The following COL13A1 variants were observed in gnomAD, a reference collection of about 807,000 sequenced individuals.
COL13A1 encodes collagen type XIII alpha 1 chain, also known as collagen alpha-1(XIII) chain.
Under a neutral mutation model 130.9 loss-of-function variants are expected in COL13A1, and 89 were observed. The ratio of observed to expected loss-of-function variants is 0.68; its 90% CI spans 0.57 to 0.81. COL13A1 has a LOEUF of 0.81. Ranked by LOEUF, COL13A1 falls within the 30% of genes least tolerant of loss-of-function variation. The pLI, the probability that COL13A1 is intolerant of heterozygous loss-of-function variation, is 0.00. For synonymous variants in COL13A1, 402 were observed against 341.6 expected, an observed-to-expected ratio of 1.18 and a Z score of -1.95; for missense variants, 879 against 934.6, an observed-to-expected ratio of 0.94 and a Z score of 0.78.
intron 3 of COL13A1, among the ~76,000 whole-genome samples, chr10:69,868,360 G>A (rs2058736733): frequency 6.6e-6 from 1 of 152,098 alleles, no homozygotes; most frequent in Non-Finnish European, 1.5e-5. Flanking sequence ...CGGTTAGACT[G>A]GGAGACAGCA....
At chr10:69,885,509 G>C (rs537535040) in intron 7 of COL13A1, among the ~76,000 whole-genome samples, 1 of 152,174 alleles carries the variant, frequency 6.6e-6, no homozygotes, top group Non-Finnish European at 1.5e-5. Context: ...CACTTGGTCC[G>C]TGACAACATT....
At chr10:69,877,693 TCTCTCTCA>T (rs1429452303) in intron 5 of COL13A1, 2 of 118,486 alleles carry the variant, frequency 1.7e-5, no homozygotes, top group African/African-American at 8.6e-5. Context: ...TCTCTCTCTC[TCTCTCTCA>T]CACACACACA....
chr10:69,922,377 T>G (rs1014923067), intron 22 of COL13A1, among the ~76,000 whole-genome samples: 1 of 152,216 alleles, frequency 6.6e-6, no homozygotes, highest in African/African-American at 2.4e-5. Flanking sequence ...ATTTAATGTT[T>G]CATTTCTTAC....
chr10:69,816,331 G>A (rs1240702866), intron 1 of COL13A1, among the ~76,000 whole-genome samples: 1 of 150,946 alleles, frequency 6.6e-6, no homozygotes, highest in Non-Finnish European at 1.5e-5. Flanking sequence ...GGTGGGATGG[G>A]GAAGCTGATG....
At chr10:69,878,149 C>A (rs10823446) in intron 6 of COL13A1, 84 bp downstream of exon 6, 381,704 of 689,078 alleles carry the variant, frequency 0.55, 109,267 homozygotes, top group East Asian at 0.7. Context: ...AGCCCTCCCC[C>A]CCATGAAAGC....
chr10:69,946,344 C>G (rs533506388), intron 37 of COL13A1, among the ~76,000 whole-genome samples: 18 of 152,320 alleles, frequency 1.2e-4, no homozygotes, highest in Non-Finnish European at 2.5e-4. Flanking sequence ...TCAGAAGGGG[C>G]AGAATCAAAT....
intron 17 of COL13A1, among the ~76,000 whole-genome samples, chr10:69,906,468 C>T (rs1369200804): frequency 6.6e-6 from 1 of 152,150 alleles, no homozygotes; most frequent in African/African-American, 2.4e-5. Context: ...CCCTGTTCTC[C>T]ACATGGCCTC....
At chr10:69,921,642 C>T (rs1163022029) in intron 21 of COL13A1, among the ~76,000 whole-genome samples, 3 of 152,294 alleles carry the variant, frequency 2.0e-5, no homozygotes, top group South Asian at 4.1e-4. Context: ...GACAAGGGCC[C>T]GGGCCACATG....
chr10:69,941,120 G>A (rs2067577434), intron 35 of COL13A1, 97 bp downstream of exon 35: 1 of 1,588,326 alleles, frequency 6.3e-7, no homozygotes, highest in Non-Finnish European at 8.6e-7. Context: ...TTTTCCCAGT[G>A]AATCATGCCT....
At chr10:69,849,092 G>C (rs1853970052) in intron 2 of COL13A1, among the ~76,000 whole-genome samples, 1 of 152,226 alleles carries the variant, frequency 6.6e-6, no homozygotes. Context: ...CAAACCCAAA[G>C]AGAAGTGTTT....
At chr10:69,931,174 A>T (rs1437911537) in intron 30 of COL13A1, 1 of 456,106 alleles carries the variant, frequency 2.2e-6, no homozygotes, top group Non-Finnish European at 4.4e-6. Context: ...TAGATGGCCC[A>T]ACTGGGGAGA....
At chr10:69,953,665 T>C (rs995316046) in intron 39 of COL13A1, among the ~76,000 whole-genome samples, 2 of 152,236 alleles carry the variant, frequency 1.3e-5, no homozygotes, top group African/African-American at 4.8e-5. Context: ...TATGATGCAC[T>C]AAAGTTGAAG....
chr10:69,816,332 G>A (rs1043489393), intron 1 of COL13A1, among the ~76,000 whole-genome samples: 5 of 151,012 alleles, frequency 3.3e-5, no homozygotes, highest in African/African-American at 1.2e-4. Flanking sequence ...GTGGGATGGG[G>A]AAGCTGATGG....
At chr10:69,920,053 C>A (rs148260167) in intron 21 of COL13A1, among the ~76,000 whole-genome samples, 1 of 152,338 alleles carries the variant, frequency 6.6e-6, no homozygotes, top group African/African-American at 2.4e-5. Flanking sequence ...CTAAGCACAT[C>A]TGCAGGAGCA....
chr10:69,941,891 G>C (rs1249488192), intron 35 of COL13A1, among the ~76,000 whole-genome samples: 1 of 152,110 alleles, frequency 6.6e-6, no homozygotes, highest in Non-Finnish European at 1.5e-5. Flanking sequence ...ACACCATCAC[G>C]AGAGCTCTGT....
rs746960936 is a variant in COL13A1, at chr10:69,930,389, A to AT, written c.1531-7dup. On this transcript the variant is annotated splice_polypyrimidine_tract_variant and intron_variant, in intron 29 of 40. Coordinates refer to ENST00000645393, the MANE Select transcript of COL13A1 (RefSeq NM_001368882.1). ...AATGTGTCTAAGAAGCGTTTTTGGT[A>AT]TTTTCTAAAGGGACCTCGCGGTAAA... is the stretch of plus-strand genomic sequence containing the variant. The AT allele has an allele frequency of 6.3e-7, 1 of 1,593,658 alleles. No homozygotes were observed. Among genetic ancestry groups the AT allele is most frequent in the South Asian group, 1.1e-5 (1 of 88,202 alleles).
At chr10:69,957,900 A>G (rs1301241691) in intron 40 of COL13A1, among the ~76,000 whole-genome samples, 2 of 152,130 alleles carry the variant, frequency 1.3e-5, no homozygotes, top group Non-Finnish European at 2.9e-5. Flanking sequence ...AGACTCCAAC[A>G]TGTTCAAGAA....
chr10:69,955,106 C>G (rs1287942621), intron 39 of COL13A1: 2 of 152,184 alleles, frequency 1.3e-5, no homozygotes, highest in African/African-American at 4.8e-5. Context: ...CACATCCCCG[C>G]CCTGGGGTCA....
At chr10:69,816,605 G>T (rs1178557938) in intron 1 of COL13A1, among the ~76,000 whole-genome samples, 1 of 152,104 alleles carries the variant, frequency 6.6e-6, no homozygotes, top group Non-Finnish European at 1.5e-5. Flanking sequence ...CCAACATTTA[G>T]ACATCAAGTA....
Sources: gnomAD v4.1 joint callset for allele counts (sites outside exome capture counted in the v4.1 genomes callset) on GRCh38, gnomAD v4.1.1 for gene constraint, MANE v1.5 for transcripts, NCBI Gene and HGNC (gene_info 2026-07-23, HGNC 2026-07-21) for gene names.